The following SIPA1L1 variants were observed in gnomAD, a reference collection of about 807,000 sequenced individuals.
The protein encoded by SIPA1L1 is signal induced proliferation associated 1 like 1.
In SIPA1L1, 26 loss-of-function variants were observed where a neutral mutation model predicts 162.7. The observed-to-expected ratio is 0.16, with a 90% CI of 0.12 to 0.22. The LOEUF (loss-of-function observed/expected upper bound fraction) is 0.22, where lower values mean the gene tolerates loss of function less well. Among genes scored for constraint, SIPA1L1 ranks in the 10% least tolerant of loss-of-function variants. The probability of loss-of-function intolerance (pLI) is 1.00; values close to 1 mark genes in which losing one functional copy is unlikely to be tolerated. For missense variants in SIPA1L1, 1,874 were observed against 2,241.0 expected (o/e 0.84, Z 3.31); for synonymous variants, 829 against 837.4 (o/e 0.99, Z 0.17).
intron 2 of SIPA1L1, among the ~76,000 whole-genome samples, chr14:71,451,624 C>A (rs1308855025): frequency 2.1e-5 from 3 of 145,112 alleles, no homozygotes; most frequent in Non-Finnish European, 4.5e-5. Flanking sequence ...AACAGCGAGA[C>A]CTTGTCTCAA....
chr14:71,672,265 G>C, intron 11 of SIPA1L1, 83 bp from the exon 12 acceptor site: 1 of 1,406,638 alleles, frequency 7.1e-7, no homozygotes, highest in South Asian at 1.3e-5. Context: ...AACTAACCCT[G>C]CTTGCAATGA....
intron 2 of SIPA1L1, among the ~76,000 whole-genome samples, chr14:71,358,345 T>C (rs1222895459): frequency 6.6e-6 from 1 of 152,206 alleles, no homozygotes; most frequent in Non-Finnish European, 1.5e-5. Flanking sequence ...TGGAGGGGAT[T>C]TACACACAGC....
Position 71,739,939 on chromosome 14 carries a change from A to G in SIPA1L1, c.*778A>G, listed in dbSNP as rs573186808. 5 of 152,294 alleles carry G rather than the reference A, an allele frequency of 3.3e-5. No homozygotes were observed. The highest frequency in any genetic ancestry group is 9.6e-5 in the African/African-American group (4 of 41,574). 9.4% of individuals were successfully genotyped at this position (152,294 alleles called of 1,614,324 possible). On this transcript the variant is annotated 3_prime_UTR_variant, in exon 24 of 24. Coordinates refer to ENST00000381232, the MANE Select transcript of SIPA1L1 (RefSeq NM_001386936.1). ...ATTGAGCCCCACTAAATTGGAATCA[A>G]TCTCTCTTACAGCTTCCTGGCTCCA...
At chr14:71,370,377 T>C (rs1441307893) in intron 2 of SIPA1L1, among the ~76,000 whole-genome samples, 2 of 152,130 alleles carry the variant, frequency 1.3e-5, no homozygotes, top group African/African-American at 4.8e-5. Context: ...CATGAAGGGT[T>C]GTTGAATTTT....
chr14:71,596,915 A>G (rs79527286), intron 5 of SIPA1L1, among the ~76,000 whole-genome samples: 2,512 of 152,160 alleles, frequency 0.017, 26 homozygotes, highest in East Asian at 0.032. Context: ...TGTACGTTCT[A>G]TCAGTCCTTT....
rs776126718 is a variant in SIPA1L1 at position 71,588,154 on chromosome 14, C to T, written c.282C>T (p.Ser94=). The T allele has an allele frequency of 1.5e-5, 25 of 1,614,026 alleles. No homozygotes were observed. The South Asian group carries it at 1.6e-4, about 11-fold the overall frequency. ...GAAAGGAAAACATAAAAGAATCTAG[C>T]CGTTCAAGCCAGGAAATAGAAACCT... is the stretch of plus-strand genomic sequence containing the variant. The part of the protein sequence containing the change: ...PPRKENIKES[S]RSSQEIETSS... The change falls in exon 5 of 24, where the codon AGC becomes AGT. Residue 94 remains serine, a synonymous_variant. Transcript: ENST00000381232. This position sits in a 1 kb window ranked among gnomAD's most constrained non-coding sequence, Gnocchi z 4.3.
At chr14:71,697,368 C>T (rs1333168508) in intron 13 of SIPA1L1, among the ~76,000 whole-genome samples, 2 of 152,108 alleles carry the variant, frequency 1.3e-5, no homozygotes, top group African/African-American at 2.4e-5. Flanking sequence ...TTAATTAACC[C>T]AATTGACTGT....
intron 2 of SIPA1L1, among the ~76,000 whole-genome samples, chr14:71,331,169 T>C (rs1053675159): frequency 6.6e-6 from 1 of 152,342 alleles, no homozygotes. Flanking sequence ...CCTTTCCTTA[T>C]TGAGTGGTCT....
chr14:71,517,087 A>C lies in SIPA1L1; in HGVS notation c.-362+4242A>C, dbSNP rs566529371. Among the ~76,000 whole-genome samples, 119 of 152,250 alleles carry C rather than the reference A, an allele frequency of 7.8e-4. 1 individual carries two copies. The highest frequency in any genetic ancestry group is 3.4e-3 in the Middle Eastern group (1 of 294). ...GGAATGTAAGTACCTTCTTATAAAT[A>C]AAAATGACATCTATGGTTTTGTTTT... is the stretch of plus-strand genomic sequence containing the variant. On this transcript the variant is annotated intron_variant, in intron 3 of 23. Coordinates refer to ENST00000381232, the MANE Select transcript of SIPA1L1 (RefSeq NM_001386936.1).
intron 13 of SIPA1L1, among the ~76,000 whole-genome samples, chr14:71,688,380 A>C (rs2081019444): frequency 6.6e-6 from 1 of 152,226 alleles, no homozygotes; most frequent in Non-Finnish European, 1.5e-5. Context: ...GGTCCAAAGA[A>C]TTTAGGATAC....
In SIPA1L1 at chr14:71,699,234, G is replaced by A. The variant is rs1405052419; in HGVS notation, c.3521+107G>A. 1.4e-5 allele frequency: 16 copies of A among 1,104,482 alleles called. No individual in the cohort carries two copies. In the East Asian group the frequency reaches 3.6e-4, roughly 25 times the overall value. 68.4% of individuals were successfully genotyped at this position (1,104,482 alleles called of 1,614,324 possible). On this transcript the variant is annotated intron_variant, in intron 14 of 23. Transcript: ENST00000381232. ...CCATTCAGCCAGCCTTGATCAATTT[G>A]TAGACAAACAAAAGAGAAAACGTAG...
At chr14:71,602,679 G>T (rs988028897) in intron 5 of SIPA1L1, among the ~76,000 whole-genome samples, 2 of 152,232 alleles carry the variant, frequency 1.3e-5, no homozygotes, top group African/African-American at 4.8e-5. Flanking sequence ...TAACTCAGGA[G>T]TCCCCAACCA....
At chr14:71,546,864 A>T (rs768288694) in intron 4 of SIPA1L1, among the ~76,000 whole-genome samples, 3 of 152,190 alleles carry the variant, frequency 2.0e-5, no homozygotes, top group Non-Finnish European at 4.4e-5. Flanking sequence ...GGTGAGGGTC[A>T]GTGAAAAGGC....
intron 2 of SIPA1L1, among the ~76,000 whole-genome samples, chr14:71,490,169 CAA>C (rs764369977): frequency 9.9e-5 from 15 of 152,160 alleles, no homozygotes; most frequent in Middle Eastern, 3.4e-3. Context: ...AAAATTGAAA[CAA>C]AGTGGTAATA....
intron 7 of SIPA1L1, among the ~76,000 whole-genome samples, chr14:71,627,212 G>T (rs1400601698): frequency 1.5e-5 from 2 of 134,244 alleles, no homozygotes; most frequent in Non-Finnish European, 3.1e-5. Context: ...AGGCTGGAGT[G>T]CAGTGGCGCG....
At chr14:71,629,944 A>G (rs1452555827) in intron 7 of SIPA1L1, among the ~76,000 whole-genome samples, 2 of 152,210 alleles carry the variant, frequency 1.3e-5, no homozygotes, top group Non-Finnish European at 2.9e-5. Context: ...GACTTCGCCT[A>G]TTCATTGCCT....
intron 2 of SIPA1L1, among the ~76,000 whole-genome samples, chr14:71,436,000 G>A (rs2044350667): frequency 6.6e-6 from 1 of 152,140 alleles, no homozygotes; most frequent in Admixed American, 6.5e-5. Context: ...TGCAGGTAGC[G>A]TGTGATTTAA....
chr14:71,350,191 C>T (rs1205446622), intron 2 of SIPA1L1, among the ~76,000 whole-genome samples: 1 of 151,842 alleles, frequency 6.6e-6, no homozygotes, highest in Admixed American at 6.6e-5. Context: ...TGAGCCACCG[C>T]GCCTGGTTAA....
intron 4 of SIPA1L1, among the ~76,000 whole-genome samples, chr14:71,557,148 G>A (rs1428540824): frequency 6.6e-6 from 1 of 152,152 alleles, no homozygotes; most frequent in Non-Finnish European, 1.5e-5. Context: ...TGGAATCTTA[G>A]TATTTTATCT....
Sources: allele counts gnomAD v4.1 joint callset (sites outside exome capture counted in the v4.1 genomes callset), GRCh38; gene constraint gnomAD v4.1.1; non-coding constraint Gnocchi (gnomAD v3.1); transcripts MANE v1.5; gene names NCBI Gene and HGNC (gene_info 2026-07-23, HGNC 2026-07-21).